The following CFAP77 variants were observed in gnomAD, a reference collection of about 807,000 sequenced individuals.
The protein encoded by CFAP77 is cilia and flagella associated protein 77.
CFAP77 carries 25 observed loss-of-function variants against 31.1 expected under a neutral mutation model. The observed-to-expected ratio is 0.80, with a 90% CI of 0.59 to 1.12. The LOEUF is 1.12. CFAP77 is among the 50% of genes most tolerant of loss of function. The probability of loss-of-function intolerance (pLI) is 0.00; values close to 1 mark genes in which losing one functional copy is unlikely to be tolerated. For missense variants in CFAP77, 377 were observed against 397.3 expected (o/e 0.95, Z 0.44); for synonymous variants, 151 against 159.9 (o/e 0.94, Z 0.42).
At chr9:132,543,844 A>G (rs957068415) in intron 5 of CFAP77, among the ~76,000 whole-genome samples, 4 of 152,180 alleles carry the variant, frequency 2.6e-5, no homozygotes, top group African/African-American at 9.7e-5. Context: ...CATCTTCAAC[A>G]GCTTTTGGCA....
intron 5 of CFAP77, among the ~76,000 whole-genome samples, chr9:132,543,521 G>A (rs1005013556): frequency 7.4e-6 from 1 of 135,612 alleles, no homozygotes; most frequent in Non-Finnish European, 1.6e-5. Flanking sequence ...CTGTTCACCA[G>A]GGGAGGAGGC....
rs117267430 is a variant in CFAP77 at position 132,487,103 on chromosome 9, G to A, written c.196-11592G>A. On this transcript the variant is annotated intron_variant, in intron 1 of 5. Coordinates refer to ENST00000393216, the MANE Select transcript of CFAP77 (RefSeq NM_001282957.2). ...GGCTCCCTTTGGACCCGAGCTGGGA[G>A]CTGCTATAGCAGTCTTAACAATAAG... Among the ~76,000 whole-genome samples the A allele has an allele frequency of 6.2e-3, 945 of 152,382 alleles. 25 individuals carry two copies. The highest frequency in any genetic ancestry group is 0.045 in the Admixed American group (689 of 15,304).
At chr9:132,516,328 CGCTGATCCTGAGTGA>C (rs1852145960) in intron 3 of CFAP77, among the ~76,000 whole-genome samples, 1 of 152,178 alleles carries the variant, frequency 6.6e-6, no homozygotes, top group Admixed American at 6.5e-5. Context: ...AGTCACCCAA[CGCTGATCCTGAGTGA>C]GTTATTTAAT....
chr9:132,410,225 A>G lies in CFAP77; in HGVS notation c.-47A>G. 1 of 1,395,354 alleles carries G rather than the reference A, an allele frequency of 7.2e-7. No homozygotes were observed. The highest frequency in any genetic ancestry group is 1.5e-5 in the African/African-American group (1 of 65,770). 86.4% of individuals were successfully genotyped at this position (1,395,354 alleles called of 1,614,324 possible). ...CTCCAGGCTGTGCCCGACGTGGGGA[A>G]GCGCGCCCAAACCAGCCCGCGGGCC... On this transcript the variant is annotated 5_prime_UTR_variant, in exon 1 of 6. Transcript: ENST00000393216.
chr9:132,414,727 C>T (rs146108166), intron 1 of CFAP77, among the ~76,000 whole-genome samples: 1 of 152,256 alleles, frequency 6.6e-6, no homozygotes, highest in East Asian at 1.9e-4. Context: ...TCCATTCCGC[C>T]CTCCTCGGCT....
At chr9:132,472,561 A>C (rs1325138081) in intron 1 of CFAP77, among the ~76,000 whole-genome samples, 1 of 152,222 alleles carries the variant, frequency 6.6e-6, no homozygotes, top group Non-Finnish European at 1.5e-5. Context: ...TTTCAAAACC[A>C]GCCTGGGCAG....
intron 3 of CFAP77, among the ~76,000 whole-genome samples, chr9:132,533,621 C>G (rs1323248532): frequency 6.6e-6 from 1 of 152,196 alleles, no homozygotes; most frequent in East Asian, 1.9e-4. Flanking sequence ...GTGGCTCACG[C>G]TTGTAATCCC....
At position 132,454,879 on chromosome 9, in the gene CFAP77, G is replaced by T. The variant is rs115980988; in HGVS notation, c.196-43816G>T. On this transcript the variant is annotated intron_variant, in intron 1 of 5. Coordinates refer to ENST00000393216, the MANE Select transcript of CFAP77 (RefSeq NM_001282957.2). ...GTTGACTTCAATCAGTCAGTGACTT[G>T]AGCCAATTCTCCCCACCCAAACCAC... is the stretch of plus-strand genomic sequence containing the variant. 8.0e-3 allele frequency among the ~76,000 whole-genome samples: 1,219 copies of T among 152,230 alleles called. 15 individuals carry two copies. Among genetic ancestry groups the T allele is most frequent in the African/African-American group, 0.027 (1,129 of 41,540 alleles).
At chr9:132,432,875 A>T (rs1041113105) in intron 1 of CFAP77, among the ~76,000 whole-genome samples, 1 of 143,256 alleles carries the variant, frequency 7.0e-6, no homozygotes, top group Non-Finnish European at 1.5e-5. Context: ...CACCACGCCC[A>T]GCTAATTTTT....
At chr9:132,428,508 G>A (rs1209044970) in intron 1 of CFAP77, among the ~76,000 whole-genome samples, 1 of 152,274 alleles carries the variant, frequency 6.6e-6, no homozygotes, top group African/African-American at 2.4e-5. Context: ...CCAGTTACTT[G>A]GGAGGCTGAG....
chr9:132,494,212 C>G (rs1268135151), intron 1 of CFAP77, among the ~76,000 whole-genome samples: 1 of 152,118 alleles, frequency 6.6e-6, no homozygotes, highest in Non-Finnish European at 1.5e-5. Flanking sequence ...ACACCTGGCT[C>G]ATTCTAAGTT....
At chr9:132,468,822 C>T (rs895314635) in intron 1 of CFAP77, among the ~76,000 whole-genome samples, 7 of 151,924 alleles carry the variant, frequency 4.6e-5, no homozygotes, top group African/African-American at 7.3e-5. Flanking sequence ...CACGCACACA[C>T]GGCACCCATG....
intron 1 of CFAP77, among the ~76,000 whole-genome samples, chr9:132,440,841 G>A (rs765936055): frequency 5.9e-5 from 9 of 152,130 alleles, no homozygotes; most frequent in Non-Finnish European, 1.2e-4. Context: ...TGGGTCGGAC[G>A]CTGCAAGCTG....
At chr9:132,416,142 G>A (rs750120567) in intron 1 of CFAP77, among the ~76,000 whole-genome samples, 60 of 151,966 alleles carry the variant, frequency 3.9e-4, no homozygotes, top group Non-Finnish European at 7.2e-4. Context: ...CTTTGCGGTG[G>A]TCCCTGAGAC....
chr9:132,479,297 G>A (rs912054827), intron 1 of CFAP77, among the ~76,000 whole-genome samples: 7 of 152,046 alleles, frequency 4.6e-5, no homozygotes, highest in East Asian at 1.9e-4. Context: ...TTTTGCCCTG[G>A]GTACCCTCAG....
In CFAP77 at chr9:132,424,798, G is replaced by A. The variant is rs189831863; in HGVS notation, c.195+14332G>A. Among the ~76,000 whole-genome samples, 7 of 152,288 alleles carry A rather than the reference G, an allele frequency of 4.6e-5. No individual in the cohort carries two copies. The East Asian group carries it at 1.2e-3, about 25-fold the overall frequency. On this transcript the variant is annotated intron_variant, in intron 1 of 5. Coordinates refer to ENST00000393216, the MANE Select transcript of CFAP77 (RefSeq NM_001282957.2). The surrounding 1 kb of genome is among the most constrained non-coding windows in gnomAD (Gnocchi z 4.1). The stretch of plus-strand genomic sequence containing the variant: ...CGGCCAGGGAGCCAGGATGGCTGGG[G>A]GCAAAACCTCCATCAAGGCTGAGCA...
At chr9:132,520,036 C>G (rs1852241942) in intron 3 of CFAP77, among the ~76,000 whole-genome samples, 1 of 151,758 alleles carries the variant, frequency 6.6e-6, no homozygotes, top group Non-Finnish European at 1.5e-5. Flanking sequence ...TCCCCTTCCT[C>G]CCCCTGAAAT....
At chr9:132,491,084 C>T (rs1272223140) in intron 1 of CFAP77, among the ~76,000 whole-genome samples, 9 of 152,048 alleles carry the variant, frequency 5.9e-5, no homozygotes, top group Non-Finnish European at 1.2e-4. Flanking sequence ...GTGCCCTGAG[C>T]TGCTGGGACA....
chr9:132,437,329 A>G (rs969702165), intron 1 of CFAP77, among the ~76,000 whole-genome samples: 3 of 152,068 alleles, frequency 2.0e-5, no homozygotes, highest in South Asian at 2.1e-4. Context: ...CGAAGCAGAA[A>G]GACATTAAGG....
Sources: allele counts gnomAD v4.1 joint callset (sites outside exome capture counted in the v4.1 genomes callset), GRCh38; gene constraint gnomAD v4.1.1; non-coding constraint Gnocchi (gnomAD v3.1); transcripts MANE v1.5; gene names NCBI Gene and HGNC (gene_info 2026-07-23, HGNC 2026-07-21).